RPS6KC1: variants seen among roughly 807,000 people sequenced by gnomAD.
RPS6KC1 encodes the protein inactive ribosomal protein S6 kinase delta-1.
RPS6KC1 carries 54 observed loss-of-function variants against 103.8 expected under a neutral mutation model. That is an observed-to-expected ratio of 0.52 (90% CI 0.42 to 0.65). RPS6KC1 has a LOEUF of 0.65. Ranked by LOEUF, RPS6KC1 falls within the 30% of genes least tolerant of loss-of-function variation. The probability of loss-of-function intolerance (pLI) is 0.00; values close to 1 mark genes in which losing one functional copy is unlikely to be tolerated. For synonymous variants in RPS6KC1, 439 were observed against 438.7 expected, an observed-to-expected ratio of 1.00 and a Z score of -0.01; for missense variants, 1,151 against 1,253.8, an observed-to-expected ratio of 0.92 and a Z score of 1.24.
chr1:213,076,927 T>G (rs1435049422), intron 2 of RPS6KC1, among the ~76,000 whole-genome samples: 3 of 152,086 alleles, frequency 2.0e-5, no homozygotes, highest in Non-Finnish European at 4.4e-5. Context: ...TGGAGTGCAG[T>G]GGCACTGTGT....
intron 8 of RPS6KC1, among the ~76,000 whole-genome samples, chr1:213,181,014 G>A (rs2092235092): frequency 6.6e-6 from 1 of 152,122 alleles, no homozygotes; most frequent in Admixed American, 6.5e-5. Flanking sequence ...ACTATATAAG[G>A]TGTCACCACT....
intron 8 of RPS6KC1, among the ~76,000 whole-genome samples, chr1:213,211,017 C>T (rs147659998): frequency 4.6e-5 from 7 of 152,182 alleles, no homozygotes; most frequent in South Asian, 2.1e-4. Flanking sequence ...CATCTAGCAG[C>T]GGACAGAAAA....
chr1:213,263,829 A>G (rs367730577), intron 14 of RPS6KC1, among the ~76,000 whole-genome samples: 1 of 152,312 alleles, frequency 6.6e-6, no homozygotes, highest in South Asian at 2.1e-4. Context: ...TACTGTGGCA[A>G]GTCAAAAGAA....
At chr1:213,740,282 G>T in the RPS6KC1 span, among the ~76,000 whole-genome samples, 1 of 152,124 alleles carries the variant, frequency 6.6e-6, no homozygotes, top group African/African-American at 2.4e-5. Flanking sequence ...CAGTATTAAA[G>T]TAATAGGGCT....
chr1:213,516,726 A>G, the RPS6KC1 span, among the ~76,000 whole-genome samples: 1 of 152,212 alleles, frequency 6.6e-6, no homozygotes, highest in Non-Finnish European at 1.5e-5. Context: ...TGGTGTCAGG[A>G]TGATGATGGC....
chr1:213,644,420 G>T, the RPS6KC1 span, among the ~76,000 whole-genome samples: 1 of 151,902 alleles, frequency 6.6e-6, no homozygotes, highest in Non-Finnish European at 1.5e-5. Flanking sequence ...TCTTGATATT[G>T]CACTTTCTAT....
At chr1:213,405,023 C>T in the RPS6KC1 span, among the ~76,000 whole-genome samples, 4 of 152,238 alleles carry the variant, frequency 2.6e-5, no homozygotes, top group South Asian at 2.1e-4. Flanking sequence ...AACCCAATCC[C>T]TCTTTCGGCT....
chr1:213,153,202 A>G (rs1381480837), intron 6 of RPS6KC1, among the ~76,000 whole-genome samples: 2 of 151,634 alleles, frequency 1.3e-5, no homozygotes, highest in Admixed American at 6.6e-5. Flanking sequence ...TCGGCTCAGC[A>G]TGAGAGGGAG....
the RPS6KC1 span, among the ~76,000 whole-genome samples, chr1:213,514,359 G>A: frequency 4.6e-5 from 7 of 150,836 alleles, no homozygotes; most frequent in East Asian, 9.7e-4. Context: ...TAGGTATATC[G>A]CCTAATGCTA....
the RPS6KC1 span, among the ~76,000 whole-genome samples, chr1:213,303,015 G>A: frequency 2.6e-5 from 4 of 152,148 alleles, no homozygotes; most frequent in African/African-American, 9.7e-5. Context: ...CAAGATCCCC[G>A]GGTAATGTGT....
chr1:213,236,482 T>G (rs2094222972), intron 10 of RPS6KC1, among the ~76,000 whole-genome samples: 1 of 152,148 alleles, frequency 6.6e-6, no homozygotes, highest in South Asian at 2.1e-4. Context: ...TCAGGTGATG[T>G]TTAGTAGACA....
the RPS6KC1 span, among the ~76,000 whole-genome samples, chr1:213,785,663 T>C: frequency 6.6e-6 from 1 of 152,134 alleles, no homozygotes; most frequent in African/African-American, 2.4e-5. Context: ...GATATATATG[T>C]ATGTAGCTTT....
chr1:213,421,447 A>G, the RPS6KC1 span, among the ~76,000 whole-genome samples: 4 of 152,172 alleles, frequency 2.6e-5, no homozygotes. Context: ...ACACAATTAA[A>G]TCCTAATAGT....
chr1:213,639,467 G>A, the RPS6KC1 span, among the ~76,000 whole-genome samples: 3 of 152,036 alleles, frequency 2.0e-5, no homozygotes, highest in African/African-American at 7.2e-5. Context: ...GCAAGGGCTG[G>A]GGTGGAGCAG....
At chr1:213,621,716 G>C in the RPS6KC1 span, among the ~76,000 whole-genome samples, 9 of 152,182 alleles carry the variant, frequency 5.9e-5, no homozygotes, top group Non-Finnish European at 1.3e-4. Context: ...AAGTGAAAAT[G>C]TGGGGCCCTT....
chr1:213,854,206 G>A, the RPS6KC1 span, among the ~76,000 whole-genome samples: 1 of 152,226 alleles, frequency 6.6e-6, no homozygotes, highest in African/African-American at 2.4e-5. Context: ...CATACCAGGG[G>A]ATTGCTGCCT....
At chr1:213,818,885 C>G in the RPS6KC1 span, 3 of 152,194 alleles carry the variant, frequency 2.0e-5, no homozygotes, top group African/African-American at 7.2e-5. Context: ...GAAAGTTGGA[C>G]AGATATTCAA....
At chr1:213,519,668 A>G in the RPS6KC1 span, among the ~76,000 whole-genome samples, 1 of 152,190 alleles carries the variant, frequency 6.6e-6, no homozygotes, top group Admixed American at 6.5e-5. Context: ...TCTCCCCTGC[A>G]TACAGTCAGT....
At chr1:213,158,461 G>A (rs933109511) in intron 6 of RPS6KC1, among the ~76,000 whole-genome samples, 14 of 152,200 alleles carry the variant, frequency 9.2e-5, no homozygotes, top group African/African-American at 3.1e-4. Flanking sequence ...TCTCATTTAA[G>A]TTGTTATAAT....
Sources: allele counts gnomAD v4.1 joint callset (sites outside exome capture counted in the v4.1 genomes callset), GRCh38; gene constraint gnomAD v4.1.1; transcripts MANE v1.5; gene names NCBI Gene and HGNC (gene_info 2026-07-23, HGNC 2026-07-21).